Variants in PLXNA4 observed in about 807,000 individuals in gnomAD.
PLXNA4 encodes plexin A4.
A neutral mutation model predicts 191.8 loss-of-function variants in PLXNA4; 44 were observed. The observed-to-expected ratio is 0.23, with a 90% CI of 0.18 to 0.29. The LOEUF is 0.29. PLXNA4 is among the 10% of genes least tolerant of loss of function. The pLI is 1.00. For missense variants in PLXNA4, 1,800 were observed against 2,488.8 expected, an observed-to-expected ratio of 0.72 and a Z score of 5.89; for synonymous variants, 1,082 against 1,009.5, an observed-to-expected ratio of 1.07 and a Z score of -1.36.
chr7:132,130,173 C>T lies in PLXNA4; in HGVS notation c.*306G>A. 2.9e-6 allele frequency: 1 copy of T among 349,002 alleles called. No homozygotes were observed. Among genetic ancestry groups the T allele is most frequent in the South Asian group, 3.6e-5 (1 of 27,800 alleles). The allele number at this position is 349,002 out of a possible 1,614,324, so 21.6% of individuals were successfully genotyped here. ...ACCCTGCTGCTGACATGCACAGGGT[C>T]AGGAGCACCTGGGAGACAGAGGCCT... is the stretch of plus-strand genomic sequence containing the variant. On this transcript the variant is annotated 3_prime_UTR_variant, in exon 32 of 32. Coordinates refer to ENST00000321063, the MANE Select transcript of PLXNA4 (RefSeq NM_020911.2).
chr7:132,578,025 C>G (rs968522100), upstream of PLXNA4, among the ~76,000 whole-genome samples: 2 of 152,156 alleles, frequency 1.3e-5, no homozygotes, highest in Non-Finnish European at 2.9e-5. Context: ...CTCTGAAACC[C>G]TAGATCCTAG....
Position 132,196,283 on chromosome 7 carries a change from C to G in PLXNA4, c.2739-2104G>C, listed in dbSNP as rs73723730. Reference sequence around the variant, plus strand: ...TTGCCTACCTACCATGCCACGCTGCCTTGCACCCATGTGTAATATCCAGTG... The same window carrying G: ...TTGCCTACCTACCATGCCACGCTGCGTTGCACCCATGTGTAATATCCAGTG... On this transcript the variant is annotated intron_variant, in intron 13 of 31. Coordinates refer to ENST00000321063, the MANE Select transcript of PLXNA4 (RefSeq NM_020911.2). 8.7e-3 allele frequency among the ~76,000 whole-genome samples: 1,330 copies of G among 152,358 alleles called. 27 individuals are homozygous for G. Among genetic ancestry groups the G allele is most frequent in the African/African-American group, 0.03 (1,258 of 41,584 alleles).
At chr7:132,635,216 T>C (rs917199792) in intron 2 of PLXNA4, among the ~76,000 whole-genome samples, 2 of 146,494 alleles carry the variant, frequency 1.4e-5, no homozygotes, top group Non-Finnish European at 1.5e-5. Context: ...ATCCTATTAG[T>C]TCTATCGCTC....
rs79529362 is a variant in PLXNA4, at chr7:132,360,384, C to G, written c.1372-62162G>C. Among the ~76,000 whole-genome samples the G allele has an allele frequency of 4.9e-3, 743 of 152,242 alleles. 4 individuals are homozygous for G. The highest frequency in any genetic ancestry group is 0.017 in the African/African-American group (725 of 41,540). On this transcript the variant is annotated intron_variant, in intron 3 of 31. Coordinates refer to ENST00000321063, the MANE Select transcript of PLXNA4 (RefSeq NM_020911.2). Reference sequence around the variant, plus strand: ...AATATGCTCTGTCAATTATTCATCCCCGCCAGGTCCCAGGCATCATCTTTG... The same window carrying G: ...AATATGCTCTGTCAATTATTCATCCGCGCCAGGTCCCAGGCATCATCTTTG...
intron 3 of PLXNA4, among the ~76,000 whole-genome samples, chr7:132,424,554 C>T (rs1472713190): frequency 2.0e-5 from 3 of 152,116 alleles, no homozygotes; most frequent in Non-Finnish European, 2.9e-5. Context: ...ATTCCTTTCC[C>T]AGCCTCATTC....
intron 2 of PLXNA4, among the ~76,000 whole-genome samples, chr7:132,627,861 A>G (rs1298643130): frequency 2.6e-5 from 4 of 152,254 alleles, no homozygotes; most frequent in South Asian, 2.1e-4. Context: ...TTCTTTATAA[A>G]TAACCCAGTC....
At chr7:132,414,936 C>T (rs1195836448) in intron 3 of PLXNA4, among the ~76,000 whole-genome samples, 1 of 152,208 alleles carries the variant, frequency 6.6e-6, no homozygotes, top group Non-Finnish European at 1.5e-5. Flanking sequence ...AACAAATCCT[C>T]TCCCAAATCA....
At chr7:132,201,762 G>C (rs1797442228) in intron 12 of PLXNA4, among the ~76,000 whole-genome samples, 2 of 152,256 alleles carry the variant, frequency 1.3e-5, no homozygotes, top group African/African-American at 4.8e-5. Flanking sequence ...TGCTGGAAGA[G>C]TGCAGGAGTG....
intron 3 of PLXNA4, chr7:132,384,794 G>C: frequency 1.8e-6 from 2 of 1,109,674 alleles, no homozygotes; most frequent in Admixed American, 4.9e-5. Context: ...ACACACACTG[G>C]CCAGGCGACT....
intron 3 of PLXNA4, among the ~76,000 whole-genome samples, chr7:132,409,012 G>A (rs911057505): frequency 3.9e-5 from 6 of 152,110 alleles, no homozygotes; most frequent in African/African-American, 1.2e-4. Context: ...TCCAAGCAGC[G>A]AAACTATGCT....
intron 3 of PLXNA4, among the ~76,000 whole-genome samples, chr7:132,308,989 G>A (rs904837908): frequency 1.2e-4 from 18 of 152,148 alleles, no homozygotes; most frequent in Admixed American, 3.9e-4. Context: ...GGGCAGGAGA[G>A]GGAGAAGAGG....
At chr7:132,601,598 C>A (rs1802821495) in intron 2 of PLXNA4, among the ~76,000 whole-genome samples, 1 of 152,190 alleles carries the variant, frequency 6.6e-6, no homozygotes, top group Admixed American at 6.5e-5. Context: ...GAATGGAAGT[C>A]TTACATGACA....
At chr7:132,592,875 A>C (rs1802626814) in intron 2 of PLXNA4, among the ~76,000 whole-genome samples, 1 of 151,982 alleles carries the variant, frequency 6.6e-6, no homozygotes, top group Non-Finnish European at 1.5e-5. Flanking sequence ...ATTTAAAAAA[A>C]AAAACCCGAA....
chr7:132,611,613 C>T (rs989851248), intron 2 of PLXNA4, among the ~76,000 whole-genome samples: 8 of 152,216 alleles, frequency 5.3e-5, no homozygotes, highest in Non-Finnish European at 1.2e-4. Context: ...GGGCATGATC[C>T]TGGAAGATGG....
chr7:132,485,126 C>A lies in PLXNA4; in HGVS notation c.1371+4166G>T. On this transcript the variant is annotated intron_variant, in intron 3 of 31. Coordinates refer to ENST00000321063, the MANE Select transcript of PLXNA4 (RefSeq NM_020911.2). ...AAGAATGGTTTTTGTACTATATACTCCTATTGCCTCTTCATGGGAATGTGC... is the reference window on the plus strand; with the variant it reads ...AAGAATGGTTTTTGTACTATATACTACTATTGCCTCTTCATGGGAATGTGC... 3 of 1,431,440 alleles carry A rather than the reference C, an allele frequency of 2.1e-6. No individual in the cohort carries two copies. The East Asian group carries it at 7.4e-5, about 35-fold the overall frequency. The allele number at this position is 1,431,440 out of a possible 1,614,324, so 88.7% of individuals were successfully genotyped here.
At chr7:132,443,441 T>C (rs1170640167) in intron 3 of PLXNA4, among the ~76,000 whole-genome samples, 1 of 152,204 alleles carries the variant, frequency 6.6e-6, no homozygotes, top group Non-Finnish European at 1.5e-5. Flanking sequence ...GTACAGTTTT[T>C]CTTTCCTCAG....
intron 2 of PLXNA4, among the ~76,000 whole-genome samples, chr7:132,606,855 T>A (rs892486916): frequency 6.6e-5 from 10 of 152,186 alleles, no homozygotes; most frequent in African/African-American, 2.4e-4. Flanking sequence ...ATTCTCTGCC[T>A]TCAACTTCAG....
At chr7:132,628,502 C>G (rs1230001472) in intron 2 of PLXNA4, among the ~76,000 whole-genome samples, 1 of 152,020 alleles carries the variant, frequency 6.6e-6, no homozygotes, top group African/African-American at 2.4e-5. Context: ...AGTCTGGAAA[C>G]TTATATTCTT....
Position 132,130,671 on chromosome 7 carries a change from G to A in PLXNA4, c.5590-97C>T, listed in dbSNP as rs540853728. 6.7e-5 allele frequency: 105 copies of A among 1,569,478 alleles called. 1 individual carries two copies. The South Asian group carries it at 9.4e-4, about 14-fold the overall frequency. On this transcript the variant is annotated intron_variant, in intron 31 of 31. Transcript: ENST00000321063. ...ATGGTGTGGATGTGGTCAGAAGCCC[G>A]GGAAGCCACAGGCATGTGCAGGGGC...
Sources: gnomAD v4.1 joint callset for allele counts (sites outside exome capture counted in the v4.1 genomes callset) on GRCh38, gnomAD v4.1.1 for gene constraint, MANE v1.5 for transcripts, NCBI Gene and HGNC (gene_info 2026-07-23, HGNC 2026-07-21) for gene names.